Variants in HGS observed in about 807,000 individuals in gnomAD.
HGS encodes the protein human growth factor-regulated tyrosine kinase substrate.
Under a neutral mutation model 109.7 loss-of-function variants are expected in HGS, and 63 were observed. That is an observed-to-expected ratio of 0.57 (90% CI 0.47 to 0.71). HGS has a LOEUF of 0.71. HGS is among the 30% of genes least tolerant of loss of function. The pLI is 0.00. For synonymous variants in HGS, 546 were observed against 437.3 expected, an observed-to-expected ratio of 1.25 and a Z score of -3.10; for missense variants, 995 against 1,068.3, an observed-to-expected ratio of 0.93 and a Z score of 0.96.
chr17:81,699,745 C>T (rs763361638), intron 18 of HGS, among the ~76,000 whole-genome samples: 1 of 150,716 alleles, frequency 6.6e-6, no homozygotes, highest in Non-Finnish European at 1.5e-5. Flanking sequence ...TTTTTAGAAA[C>T]GTGAAACCTG....
intron 18 of HGS, chr17:81,698,359 G>A (rs2037185509): frequency 6.6e-6 from 1 of 152,184 alleles, no homozygotes; most frequent in South Asian, 2.1e-4. Flanking sequence ...TCCTGACCTC[G>A]AGTGATCCGC....
At chr17:81,700,401 A>T in intron 18 of HGS, 66 bp from the exon 19 acceptor site, 1 of 1,359,814 alleles carries the variant, frequency 7.4e-7, no homozygotes, top group Non-Finnish European at 9.9e-7. Context: ...ACTCAAGAGT[A>T]GGGTGTCCCT....
At position 81,693,692 on chromosome 17, in the gene HGS, G is replaced by A. The variant is rs1284163019; in HGVS notation, c.780G>A (p.Glu260=). Residue 260 remains glutamate, a synonymous_variant, in exon 10 of 22, where the codon GAG becomes GAA. Coordinates refer to ENST00000329138, the MANE Select transcript of HGS (RefSeq NM_004712.5). ...PKRDETALQE[E]EELQLALALS... is the part of the protein sequence containing the mutation. ...GGGACGAGACGGCCCTGCAGGAGGA[G>A]GAGGAGCTGCAGCTGGCCCTGGCGC... is the stretch of plus-strand genomic sequence containing the variant. 4 of 1,558,096 alleles carry A rather than the reference G, an allele frequency of 2.6e-6. No homozygotes were observed. In the Admixed American group the frequency reaches 5.8e-5, roughly 23 times the overall value.
chr17:81,688,752 G>A lies in HGS; in HGVS notation c.340G>A (p.Ala114Thr). ...TAACAAGATCCTGTACCTGATCCAG[G>A]CCTGGGCGCATGCCTTCCGGAACGA... The part of the protein sequence containing the change: ...VRNKILYLIQ[A>T]WAHAFRNEPK... Residue 114 changes from alanine to threonine, a missense_variant, in exon 5 of 22, where the codon GCC becomes ACC. Ala to Thr is a moderately conservative substitution (Grantham distance 58). This residue lies in a region of HGS where 182 missense variants were observed against 261.3 expected (regional missense o/e 0.70). Transcript: ENST00000329138. The A allele has an allele frequency of 1.1e-5, 17 of 1,614,130 alleles. No homozygotes were observed. The highest frequency in any genetic ancestry group is 1.4e-5 in the Non-Finnish European group (16 of 1,179,990).
intron 2 of HGS, 73 bp from the exon 3 acceptor site, chr17:81,686,239 G>A (rs2144483526): frequency 7.7e-7 from 1 of 1,291,502 alleles, no homozygotes; most frequent in Non-Finnish European, 1.1e-6. Flanking sequence ...CAGCAGATGA[G>A]CTTTTCTCAT....
rs374387360 is a variant in HGS, at chr17:81,700,585, C to G, written c.2001C>G (p.Pro667=). The G allele has an allele frequency of 1.2e-6, 2 of 1,607,030 alleles. No homozygotes were observed. The highest frequency in any genetic ancestry group is 1.7e-5 in the Admixed American group (1 of 59,430). Residue 667 remains proline (P), a synonymous_variant, in exon 19 of 22, where the codon CCC becomes CCG. Coordinates refer to ENST00000329138, the MANE Select transcript of HGS (RefSeq NM_004712.5). ...CTTACTCATCCTACCAGCCTACTCC[C>G]ACAGCGGGCTACCAGGTACACAGGA... is the stretch of plus-strand genomic sequence containing the variant. ...SPAYSSYQPT[P]TAGYQNVASQ...
Position 81,686,301 on chromosome 17 carries a change from T to C in HGS, c.123-11T>C. 6.2e-7 allele frequency: 1 copy of C among 1,610,920 alleles called. No homozygotes were observed. Among genetic ancestry groups the C allele is most frequent in the Non-Finnish European group, 8.5e-7 (1 of 1,177,676 alleles). Reference sequence around the variant, plus strand: ...CGTTTTTCTCTGCTTTTATCAATGTTTCCTTTTCAGAGCAAAATATGCTGT... The same window carrying C: ...CGTTTTTCTCTGCTTTTATCAATGTCTCCTTTTCAGAGCAAAATATGCTGT... On this transcript the variant is annotated splice_polypyrimidine_tract_variant and intron_variant, in intron 2 of 21. Coordinates refer to ENST00000329138, the MANE Select transcript of HGS (RefSeq NM_004712.5).
chr17:81,695,610 C>T, intron 14 of HGS, 176 bp from the exon 15 acceptor site: 2 of 640,336 alleles, frequency 3.1e-6, no homozygotes, highest in Middle Eastern at 4.3e-4. Flanking sequence ...TGCAGCTGGA[C>T]AAGGACCCCG....
chr17:81,700,036 C>T (rs1336416017), intron 18 of HGS, among the ~76,000 whole-genome samples: 2 of 148,950 alleles, frequency 1.3e-5, no homozygotes, highest in East Asian at 4.0e-4. Context: ...GATCGCGCCA[C>T]TGCACTCCAG....
intron 5 of HGS, among the ~76,000 whole-genome samples, chr17:81,689,064 C>T (rs1211572051): frequency 1.3e-5 from 2 of 152,218 alleles, no homozygotes; most frequent in African/African-American, 4.8e-5. Flanking sequence ...AGACAACACA[C>T]AGGTGAAAAG....
At chr17:81,687,160 C>T (rs2036991881) in intron 4 of HGS, 65 bp downstream of exon 4, 1 of 1,092,188 alleles carries the variant, frequency 9.2e-7, no homozygotes, top group Non-Finnish European at 1.4e-6. Flanking sequence ...CGGGTGTTTA[C>T]TGGGCACTGA....
At position 81,693,086 on chromosome 17, in the gene HGS, C is replaced by T. The variant is rs563534816; in HGVS notation, c.663-417C>T. 1.0e-3 allele frequency: 187 copies of T among 183,974 alleles called. 1 individual carries two copies. The highest frequency in any genetic ancestry group is 2.3e-3 in the Middle Eastern group (1 of 438). The allele number at this position is 183,974 out of a possible 1,614,324, so 11.4% of individuals were successfully genotyped here. On this transcript the variant is annotated intron_variant, in intron 8 of 21. Transcript: ENST00000329138. ...TGGAAATTGCGACCATGCTGTGAGC[C>T]TGCGGCCCTTGGACTGCCTGGGGCG... is the stretch of plus-strand genomic sequence containing the variant.
chr17:81,699,035 C>G (rs1025592017), intron 18 of HGS, among the ~76,000 whole-genome samples: 9 of 151,776 alleles, frequency 5.9e-5, no homozygotes, highest in African/African-American at 2.2e-4. Flanking sequence ...CCATTGCCCT[C>G]CAGCCTGGGT....
intron 14 of HGS, 91 bp from the exon 15 acceptor site, chr17:81,695,695 T>G: frequency 4.4e-5 from 50 of 1,144,010 alleles, no homozygotes; most frequent in Non-Finnish European, 6.1e-5. Flanking sequence ...GCTCCAGGCT[T>G]GAGTATAGCT....
chr17:81,701,138 C>T lies in HGS; in HGVS notation c.2223+7C>T, dbSNP rs1568220679. 1.2e-6 allele frequency: 2 copies of T among 1,612,716 alleles called. No individual in the cohort carries two copies. Among genetic ancestry groups the T allele is most frequent in the Non-Finnish European group, 1.7e-6 (2 of 1,179,038 alleles). ...GCAGCCCATGTACCAGCAGGTGAGCCATTCCCGGGGCCTCACAGCGGCACC... is the reference window on the plus strand; with the variant it reads ...GCAGCCCATGTACCAGCAGGTGAGCTATTCCCGGGGCCTCACAGCGGCACC... On this transcript the variant is annotated splice_region_variant and intron_variant, in intron 21 of 21. Transcript: ENST00000329138.
rs373053837 is a variant in HGS at position 81,693,884 on chromosome 17, G to A, written c.855G>A (p.Thr285=). 1.7e-5 allele frequency: 28 copies of A among 1,610,008 alleles called. No homozygotes were observed. The African/African-American group carries it at 3.1e-4, about 18-fold the overall frequency. The change falls in exon 11 of 22, where the codon ACG becomes ACA. Residue 285 remains threonine, a synonymous_variant. Coordinates refer to ENST00000329138, the MANE Select transcript of HGS (RefSeq NM_004712.5). ...EEKERLRQKS[T]YTSYPKAEPM... ...TTCTGCCTCAGAGACAGAAGTCCAC[G>A]TACACTTCGTACCCCAAGGCGGAGC...
At chr17:81,687,706 C>G (rs969765506) in intron 4 of HGS, among the ~76,000 whole-genome samples, 3 of 152,200 alleles carry the variant, frequency 2.0e-5, no homozygotes, top group African/African-American at 7.2e-5. Context: ...GACTGTGATG[C>G]AGTGGGGATG....
Position 81,701,758 on chromosome 17 carries a change from C to G in HGS, c.*140C>G. On this transcript the variant is annotated 3_prime_UTR_variant, in exon 22 of 22. Transcript: ENST00000329138. Reference sequence around the variant, plus strand: ...TGCGAGTGAGGGGGGGCCTTCACCCCAAGCCCACCTCCCTTGTCCTCAGCC... The same window carrying G: ...TGCGAGTGAGGGGGGGCCTTCACCCGAAGCCCACCTCCCTTGTCCTCAGCC... The G allele has an allele frequency of 8.0e-7, 1 of 1,249,736 alleles. No homozygotes were observed. The highest frequency in any genetic ancestry group is 2.6e-5 in the East Asian group (1 of 37,740). The allele number at this position is 1,249,736 out of a possible 1,614,324, so 77.4% of individuals were successfully genotyped here. A position where few individuals can be genotyped will look rare whatever the true frequency, so the allele number is the denominator to read the frequency against.
intron 4 of HGS, among the ~76,000 whole-genome samples, chr17:81,687,735 A>AGAAAGAGTGTCCCCCTT (rs1368555170): frequency 6.6e-6 from 1 of 152,150 alleles, no homozygotes; most frequent in Admixed American, 6.5e-5. Context: ...GGTGTCAAGG[A>AGAAAGAGTGTCCCCCTT]GAAAGAGTGT....
Sources: allele counts gnomAD v4.1 joint callset (sites outside exome capture counted in the v4.1 genomes callset), GRCh38; gene constraint gnomAD v4.1.1; regional missense constraint gnomAD v4.1.1; transcripts MANE v1.5; gene names NCBI Gene and HGNC (gene_info 2026-07-23, HGNC 2026-07-21).